The following ANO1 variants were observed in gnomAD, a reference collection of about 807,000 sequenced individuals.
The protein encoded by ANO1 is anoctamin 1, also known as anoctamin-1.
ANO1 carries 59 observed loss-of-function variants against 124.0 expected under a neutral mutation model. The ratio of observed to expected loss-of-function variants is 0.48; its 90% confidence interval spans 0.39 to 0.59. ANO1 has a LOEUF of 0.59. Ranked by LOEUF, ANO1 falls within the 20% of genes least tolerant of loss-of-function variation. ANO1 has a pLI of 0.00. For missense variants in ANO1, 1,059 were observed against 1,328.0 expected, an observed-to-expected ratio of 0.80 and a Z score of 3.15; for synonymous variants, 529 against 532.0, an observed-to-expected ratio of 0.99 and a Z score of 0.08.
intron 21 of ANO1, among the ~76,000 whole-genome samples, chr11:70,168,044 C>T (rs1170171746): frequency 6.6e-6 from 1 of 152,188 alleles, no homozygotes; most frequent in African/African-American, 2.4e-5. Flanking sequence ...CCTTACCCCC[C>T]TCAATCACGT....
At chr11:69,987,922 C>A (rs149546275) in intron 1 of ANO1, among the ~76,000 whole-genome samples, 1 of 152,184 alleles carries the variant, frequency 6.6e-6, no homozygotes, top group Non-Finnish European at 1.5e-5. Context: ...CCTCCACTCC[C>A]GGAGAGCAGG....
At chr11:70,118,493 GTGGATGGATGGATTAATGGATGATAGA>G (rs1168579207) in intron 8 of ANO1, among the ~76,000 whole-genome samples, 1 of 152,136 alleles carries the variant, frequency 6.6e-6, no homozygotes, top group African/African-American at 2.4e-5. Context: ...TGACAGTTGG[GTGGATGGATGGATTAATGGATGATAGA>G]TGGATGGATA....
At chr11:70,081,385 G>A (rs2044195293) in intron 1 of ANO1, among the ~76,000 whole-genome samples, 1 of 152,162 alleles carries the variant, frequency 6.6e-6, no homozygotes, top group East Asian at 1.9e-4. Flanking sequence ...TGGCTTATCT[G>A]CTGTGGGAGA....
Position 70,019,544 on chromosome 11 carries a change from C to G in ANO1, c.58+33378C>G, listed in dbSNP as rs1311986651. On this transcript the variant is annotated intron_variant, in intron 1 of 27. Transcript: ENST00000531349. Reference sequence around the variant, plus strand: ...CCCAATTCACACGGGCTCACCAGGACTCAGCTCACCCGAGCCAATTGTATC... The same window carrying G: ...CCCAATTCACACGGGCTCACCAGGAGTCAGCTCACCCGAGCCAATTGTATC... Among the ~76,000 whole-genome samples the G allele has an allele frequency of 2.2e-5, 3 of 135,954 alleles. No individual in the cohort carries two copies. In the East Asian group the frequency reaches 7.1e-4, roughly 32 times the overall value. 89.2% of individuals were successfully genotyped at this position (135,954 alleles called of 152,430 possible).
rs748584110 is a variant in ANO1 at position 70,171,038 on chromosome 11, C to T, written c.2349C>T (p.Ile783=). ...RRPVAVRAKD[I]GIWYNILRGI... is the part of the protein sequence containing the mutation. ...CGGTAGCTGTCAGAGCCAAAGACAT[C>T]GGTGAGTGACCCCACGGGCCGGCAG... Residue 783 remains isoleucine, a splice_region_variant and synonymous_variant, in exon 22 of 26, where the codon ATC becomes ATT. Coordinates refer to ENST00000355303, the MANE Select transcript of ANO1 (RefSeq NM_018043.7). 17 of 1,611,220 alleles carry T rather than the reference C, an allele frequency of 1.1e-5. No homozygotes were observed. The Middle Eastern group carries it at 8.2e-4, about 78-fold the overall frequency.
At chr11:70,186,502 G>T (rs1480189357) in intron 25 of ANO1, among the ~76,000 whole-genome samples, 1 of 152,182 alleles carries the variant, frequency 6.6e-6, no homozygotes, top group African/African-American at 2.4e-5. Context: ...TGGGCTGTCA[G>T]ATGACCCCAG....
Position 70,124,288 on chromosome 11 carries a change from G to A in ANO1, c.898-62G>A, listed in dbSNP as rs376735760. On this transcript the variant is annotated intron_variant, in intron 8 of 25. Coordinates refer to ENST00000355303, the MANE Select transcript of ANO1 (RefSeq NM_018043.7). The stretch of plus-strand genomic sequence containing the variant: ...GGAGGCTCAGTCCCCGCAGCTCTGC[G>A]TTCCGGGGAGCAACCTCGGAGTGCC... 9.7e-5 allele frequency: 148 copies of A among 1,526,106 alleles called. 1 individual carries two copies. Among genetic ancestry groups the A allele is most frequent in the Admixed American group, 3.7e-4 (22 of 59,288 alleles). 94.5% of individuals were successfully genotyped at this position (1,526,106 alleles called of 1,614,324 possible). A position where few individuals can be genotyped will look rare whatever the true frequency, so the allele number is the denominator to read the frequency against.
At chr11:70,157,202 T>A (rs2047850257) in intron 16 of ANO1, among the ~76,000 whole-genome samples, 181 bp downstream of exon 16, 1 of 151,558 alleles carries the variant, frequency 6.6e-6, no homozygotes, top group African/African-American at 2.4e-5. Context: ...CCCCGTCTCT[T>A]ACTAAAAATG....
chr11:69,976,449 G>A, the ANO1 span, among the ~76,000 whole-genome samples: 2 of 148,476 alleles, frequency 1.3e-5, no homozygotes, highest in Admixed American at 1.3e-4. Flanking sequence ...GGAGCTCGCA[G>A]TGAGCCGAGA....
At chr11:70,085,324 T>C in intron 1 of ANO1, 3 of 781,162 alleles carry the variant, frequency 3.8e-6, no homozygotes, top group Non-Finnish European at 5.4e-6. Flanking sequence ...CCCTTCCCCC[T>C]GAGCCCTCCC....
chr11:70,017,774 C>T (rs544695796), intron 1 of ANO1, among the ~76,000 whole-genome samples: 18 of 152,180 alleles, frequency 1.2e-4, no homozygotes, highest in African/African-American at 3.9e-4. Flanking sequence ...CCCACCTCAG[C>T]CACCCAAAGC....
intron 1 of ANO1, among the ~76,000 whole-genome samples, chr11:70,082,997 G>A (rs536529343): frequency 7.2e-5 from 11 of 152,286 alleles, no homozygotes; most frequent in Middle Eastern, 3.4e-3. Flanking sequence ...AGAGTCAGGC[G>A]CTGGGACTCC....
chr11:70,062,429 C>T (rs1219448432), intron 1 of ANO1, among the ~76,000 whole-genome samples: 1 of 152,144 alleles, frequency 6.6e-6, no homozygotes, highest in Non-Finnish European at 1.5e-5. Flanking sequence ...TATAGGGACA[C>T]ATTCAGGACA....
intron 9 of ANO1, 53 bp downstream of exon 9, chr11:70,124,467 G>T: frequency 6.4e-7 from 1 of 1,559,976 alleles, no homozygotes; most frequent in Non-Finnish European, 8.8e-7. Flanking sequence ...GATGGCAGTC[G>T]GATAACATCC....
At chr11:70,141,633 G>A (rs76415301) in intron 11 of ANO1, 13,897 of 152,292 alleles carry the variant, frequency 0.091, 798 homozygotes, top group Middle Eastern at 0.14. Flanking sequence ...AACCTACTGC[G>A]GCTGAGAGGT....
At chr11:70,055,652 A>G (rs1374755215) in intron 1 of ANO1, among the ~76,000 whole-genome samples, 2 of 152,048 alleles carry the variant, frequency 1.3e-5, no homozygotes, top group East Asian at 3.8e-4. Flanking sequence ...GAATATTTAG[A>G]CCATTTATAT....
At chr11:70,008,827 T>C (rs529909004) in intron 1 of ANO1, among the ~76,000 whole-genome samples, 174 of 152,290 alleles carry the variant, frequency 1.1e-3, no homozygotes, top group African/African-American at 4.0e-3. Context: ...TCACTGGCCA[T>C]AGGGAAGGCC....
upstream of ANO1, among the ~76,000 whole-genome samples, chr11:70,074,475 G>C (rs1376975350): frequency 6.6e-6 from 1 of 152,136 alleles, no homozygotes; most frequent in Non-Finnish European, 1.5e-5. Flanking sequence ...GTGAGCTCTG[G>C]TTTGAGGGGT....
At chr11:69,987,234 C>A (rs1179891742) in intron 1 of ANO1, among the ~76,000 whole-genome samples, 1 of 152,166 alleles carries the variant, frequency 6.6e-6, no homozygotes, top group Non-Finnish European at 1.5e-5. Flanking sequence ...TACTCTTGTG[C>A]GGCCAGGCTG....
Sources: gnomAD v4.1 joint callset for allele counts (sites outside exome capture counted in the v4.1 genomes callset) on GRCh38, gnomAD v4.1.1 for gene constraint, MANE v1.5 for transcripts, NCBI Gene and HGNC (gene_info 2026-07-23, HGNC 2026-07-21) for gene names.